Variants in RAB19 observed in about 807,000 individuals in gnomAD.
RAB19 encodes RAB19, member RAS oncogene family, also known as ras-related protein Rab-19.
RAB19 carries 21 observed loss-of-function variants against 17.3 expected under a neutral mutation model. The observed-to-expected ratio is 1.21, with a 90% confidence interval of 0.86 to 1.74. The LOEUF is 1.74. Ranked by LOEUF, RAB19 falls within the 40% of genes most tolerant of loss-of-function variation. The pLI, the probability that RAB19 is intolerant of heterozygous loss-of-function variation, is 0.00. For missense variants in RAB19, 277 were observed against 286.8 expected (o/e 0.97, Z 0.25); for synonymous variants, 126 against 110.4 (o/e 1.14, Z -0.88).
At chr7:140,412,082 CT>C (rs764135399) in intron 3 of RAB19, 25 bp downstream of exon 3, 1 of 1,589,662 alleles carries the variant, frequency 6.3e-7, no homozygotes, top group Non-Finnish European at 8.6e-7. Flanking sequence ...AAGTTTTTAA[CT>C]TTTGTTTACT....
chr7:140,410,830 G>C, intron 2 of RAB19: 1 of 773,000 alleles, frequency 1.3e-6, no homozygotes, highest in Admixed American at 2.7e-5. Context: ...TATATAAATA[G>C]TATGAGAATA....
intron 3 of RAB19, among the ~76,000 whole-genome samples, chr7:140,424,404 AC>A (rs1402205148): frequency 1.4e-5 from 2 of 143,594 alleles, no homozygotes. Flanking sequence ...TTATCCACCC[AC>A]CTCGGCTTCC....
At chr7:140,415,308 CAA>C (rs1399711468) in intron 3 of RAB19, among the ~76,000 whole-genome samples, 5 of 151,946 alleles carry the variant, frequency 3.3e-5, no homozygotes, top group Non-Finnish European at 4.4e-5. Flanking sequence ...CTCCTGACCT[CAA>C]GTGATCCACA....
At chr7:140,410,374 C>T (rs545640029) in intron 2 of RAB19, among the ~76,000 whole-genome samples, 9 of 131,034 alleles carry the variant, frequency 6.9e-5, no homozygotes, top group Non-Finnish European at 1.4e-4. Flanking sequence ...GGCCGAACTG[C>T]GGACTGCAGT....
intron 3 of RAB19, among the ~76,000 whole-genome samples, chr7:140,424,137 G>T (rs1332220841): frequency 6.7e-6 from 1 of 148,814 alleles, no homozygotes; most frequent in Non-Finnish European, 1.5e-5. Context: ...TTGCAGGCGT[G>T]AGCCACTGTG....
At chr7:140,411,773 G>A in intron 2 of RAB19, 101 bp from the exon 3 acceptor site, 1 of 1,603,722 alleles carries the variant, frequency 6.2e-7, no homozygotes, top group Non-Finnish European at 8.5e-7. Context: ...ATATCTAGAA[G>A]TGAGACCCAG....
intron 3 of RAB19, among the ~76,000 whole-genome samples, chr7:140,420,528 T>G (rs1045262773): frequency 5.9e-5 from 9 of 151,876 alleles, no homozygotes; most frequent in African/African-American, 2.2e-4. Context: ...GAAGGATGGC[T>G]TAGTAGGTAG....
At chr7:140,424,635 A>ATG (rs1475320156) in intron 3 of RAB19, among the ~76,000 whole-genome samples, 11 of 131,128 alleles carry the variant, frequency 8.4e-5, no homozygotes, top group African/African-American at 3.5e-4. Flanking sequence ...ATATATATAT[A>ATG]TATATGTGTG....
intron 2 of RAB19, among the ~76,000 whole-genome samples, chr7:140,410,015 T>G (rs1390565336): frequency 7.0e-6 from 1 of 143,666 alleles, no homozygotes; most frequent in African/African-American, 2.6e-5. Context: ...AAAAAAAAGA[T>G]AATAAATAAA....
chr7:140,425,867 A>C lies in RAB19; in HGVS notation c.386-15A>C. On this transcript the variant is annotated splice_polypyrimidine_tract_variant and intron_variant, in intron 3 of 3. Transcript: ENST00000537763. ...AAGTTACTCAATGGAATATCGGCTTATCTTTTCCTTCCAGGAAATAAATGT... is the reference window on the plus strand; with the variant it reads ...AAGTTACTCAATGGAATATCGGCTTCTCTTTTCCTTCCAGGAAATAAATGT... The C allele has an allele frequency of 6.3e-7, 1 of 1,598,408 alleles. No homozygotes were observed. Among genetic ancestry groups the C allele is most frequent in the Non-Finnish European group, 8.5e-7 (1 of 1,171,156 alleles).
rs35384452 is a variant in RAB19, at chr7:140,427,452, CTTTT to C, written c.*1315_*1318del. On this transcript the variant is annotated 3_prime_UTR_variant, in exon 4 of 4. Coordinates refer to ENST00000537763, the MANE Select transcript of RAB19 (RefSeq NM_001008749.3). ...CAGGCATGAGCCACCATGCCCGGCC[CTTTT>C]TTTTTTTTTTTTGAGACAGAGTTTC... Among the ~76,000 whole-genome samples, 5 of 121,652 alleles carry C rather than the reference CTTTT, an allele frequency of 4.1e-5. No homozygotes were observed. The highest frequency in any genetic ancestry group is 5.0e-5 in the Non-Finnish European group (3 of 59,722). 79.8% of individuals were successfully genotyped at this position (121,652 alleles called of 152,430 possible).
At chr7:140,407,459 G>A (rs529568556) in intron 1 of RAB19, 165 bp from the exon 2 acceptor site, 48 of 584,892 alleles carry the variant, frequency 8.2e-5, no homozygotes, top group African/African-American at 5.2e-4. Context: ...ATCAACACAC[G>A]TAGGGCAGAT....
chr7:140,423,668 G>A (rs1799600764), intron 3 of RAB19, among the ~76,000 whole-genome samples: 1 of 152,140 alleles, frequency 6.6e-6, no homozygotes, highest in Non-Finnish European at 1.5e-5. Flanking sequence ...CAGGGGCGGA[G>A]GACCGGGGGT....
rs1799661742 is a variant in RAB19 at position 140,426,026 on chromosome 7, A to G, written c.530A>G (p.Lys177Arg). ...GAAGAAGTCTTCGTGCTCATGGCCA[A>G]GGAGCTGATCGCGCGCAACAGCCTG... ...NIEEVFVLMA[K>R]ELIARNSLHL... Residue 177 changes from lysine to arginine, a missense_variant, in exon 4 of 4, where the codon AAG (lysine) becomes AGG (arginine). By Grantham distance (26) the Lys-to-Arg change is conservative (BLOSUM62 2). Transcript: ENST00000537763. 1 of 1,614,158 alleles carries G rather than the reference A, an allele frequency of 6.2e-7. No homozygotes were observed. The highest frequency in any genetic ancestry group is 1.6e-4 in the Middle Eastern group (1 of 6,062).
At position 140,415,274 on chromosome 7, in the gene RAB19, C is replaced by A. The variant is rs530829889; in HGVS notation, c.385+3217C>A. Among the ~76,000 whole-genome samples, 161 of 152,142 alleles carry A rather than the reference C, an allele frequency of 1.1e-3. 1 individual carries two copies. Among genetic ancestry groups the A allele is most frequent in the African/African-American group, 3.4e-3 (141 of 41,522 alleles). ...GTTTTTAGTAGAGACAGGGTTTCAC[C>A]ATGTTGGCCAGACTGGTCTCAAACT... is the stretch of plus-strand genomic sequence containing the variant. On this transcript the variant is annotated intron_variant, in intron 3 of 3. Coordinates refer to ENST00000537763, the MANE Select transcript of RAB19 (RefSeq NM_001008749.3).
chr7:140,426,001 G>T lies in RAB19; in HGVS notation c.505G>T (p.Glu169Ter). Residue 169 changes from glutamate to a stop codon, truncating the protein, a stop_gained, in exon 4 of 4, where the codon GAA becomes TAA. Coordinates refer to ENST00000537763, the MANE Select transcript of RAB19 (RefSeq NM_001008749.3). LOFTEE classifies it high-confidence loss of function. ...ETSAKESKNI[E>*]EVFVLMAKEL... ...ATCTGCCAAGGAGTCAAAGAACATA[G>T]AAGAAGTCTTCGTGCTCATGGCCAA... is the stretch of plus-strand genomic sequence containing the variant. 3 of 1,614,108 alleles carry T rather than the reference G, an allele frequency of 1.9e-6. No individual in the cohort carries two copies. Among genetic ancestry groups the T allele is most frequent in the Non-Finnish European group, 2.5e-6 (3 of 1,180,006 alleles).
At position 140,427,521 on chromosome 7, in the gene RAB19, G is replaced by A. The variant is rs144114222; in HGVS notation, c.*1371G>A. Among the ~76,000 whole-genome samples the A allele has an allele frequency of 0.016, 2,317 of 146,896 alleles. 50 individuals carry two copies. The highest frequency in any genetic ancestry group is 0.055 in the African/African-American group (2,187 of 39,552). On this transcript the variant is annotated 3_prime_UTR_variant, in exon 4 of 4. Coordinates refer to ENST00000537763, the MANE Select transcript of RAB19 (RefSeq NM_001008749.3). ...GGCTGGAGTGCAATGGTGTGACCTC[G>A]GCTCACTGCAACTTCTGCCTTCCAG... is the stretch of plus-strand genomic sequence containing the variant.
intron 2 of RAB19, 32 bp downstream of exon 2, chr7:140,407,879 CCTTTTTTTT>C: frequency 1.5e-5 from 13 of 848,176 alleles, no homozygotes; most frequent in Non-Finnish European, 2.1e-5. Context: ...ACTGGTTCCA[CCTTTTTTTT>C]TTTTTTTTTT....
At chr7:140,414,384 C>T (rs779120427) in intron 3 of RAB19, among the ~76,000 whole-genome samples, 1 of 152,154 alleles carries the variant, frequency 6.6e-6, no homozygotes, top group Non-Finnish European at 1.5e-5. Flanking sequence ...CTCCAGCCCA[C>T]AGGATCCCAG....
Sources: allele counts gnomAD v4.1 joint callset (sites outside exome capture counted in the v4.1 genomes callset), GRCh38; gene constraint gnomAD v4.1.1; transcripts MANE v1.5; gene names NCBI Gene and HGNC (gene_info 2026-07-23, HGNC 2026-07-21).